UNC5D: variants seen among roughly 807,000 people sequenced by gnomAD.
UNC5D encodes unc-5 netrin receptor D.
A neutral mutation model predicts 105.4 loss-of-function variants in UNC5D; 39 were observed. That is an observed-to-expected ratio of 0.37 (90% CI 0.29 to 0.48). UNC5D has a LOEUF of 0.48. Ranked by LOEUF, UNC5D falls within the 20% of genes least tolerant of loss-of-function variation. The probability of loss-of-function intolerance (pLI) is 0.98; values close to 1 mark genes in which losing one functional copy is unlikely to be tolerated. For missense variants in UNC5D, 991 were observed against 1,202.4 expected (o/e 0.82, Z 2.60); for synonymous variants, 452 against 450.4 (o/e 1.00, Z -0.04).
intron 2 of UNC5D, among the ~76,000 whole-genome samples, chr8:35,550,566 A>G (rs1406658059): frequency 6.6e-6 from 1 of 152,236 alleles, no homozygotes; most frequent in African/African-American, 2.4e-5. Context: ...TATTCTATAT[A>G]ACAAGGTAGG....
intron 1 of UNC5D, among the ~76,000 whole-genome samples, chr8:35,274,464 C>A (rs527977195): frequency 6.6e-6 from 1 of 152,320 alleles, no homozygotes; most frequent in African/African-American, 2.4e-5. Context: ...TGAAGTTCAG[C>A]ACCTCTGGTG....
At position 35,774,614 on chromosome 8, in the gene UNC5D, CTAAG is replaced by C. The variant is rs139231619; in HGVS notation, c.2657+143_2657+146del. ...TGGCCATATTTCCTGTGTGTTCCCA[CTAAG>C]TAAGTGGGGAAAGAGCAAGAAAATA... is the stretch of plus-strand genomic sequence containing the variant. On this transcript the variant is annotated intron_variant, in intron 16 of 16. Transcript: ENST00000404895. 3,003 of 1,177,224 alleles carry C rather than the reference CTAAG, an allele frequency of 2.6e-3. 62 individuals are homozygous for C. The African/African-American group carries it at 0.043, about 17-fold the overall frequency. The allele number at this position is 1,177,224 out of a possible 1,614,324, so 72.9% of individuals were successfully genotyped here.
intron 4 of UNC5D, among the ~76,000 whole-genome samples, chr8:35,667,383 A>C (rs1213355412): frequency 3.3e-5 from 5 of 152,176 alleles, no homozygotes; most frequent in African/African-American, 1.2e-4. Flanking sequence ...ACTGTTAGCT[A>C]GCTGTTGTGG....
chr8:35,572,274 T>TA (rs1491254706), intron 3 of UNC5D, among the ~76,000 whole-genome samples: 32 of 11,370 alleles, frequency 2.8e-3, no homozygotes, highest in Admixed American at 0.024. Context: ...AGCGAGACTG[T>TA]CAAAAAAAAA....
chr8:35,553,409 C>A (rs1816310468), intron 2 of UNC5D, among the ~76,000 whole-genome samples: 1 of 150,244 alleles, frequency 6.7e-6, no homozygotes, highest in Admixed American at 6.6e-5. Context: ...CTGAGCAAAA[C>A]AAAAAATTCA....
intron 4 of UNC5D, among the ~76,000 whole-genome samples, chr8:35,596,211 C>T (rs756384931): frequency 3.3e-5 from 5 of 152,148 alleles, no homozygotes; most frequent in Non-Finnish European, 5.9e-5. Flanking sequence ...TCCTTCACAG[C>T]GAGGTGTCTA....
At chr8:35,622,294 A>T (rs1408270428) in intron 4 of UNC5D, among the ~76,000 whole-genome samples, 1 of 152,262 alleles carries the variant, frequency 6.6e-6, no homozygotes, top group Non-Finnish European at 1.5e-5. Context: ...GTGAGCCACA[A>T]TCGCACCACT....
intron 1 of UNC5D, among the ~76,000 whole-genome samples, chr8:35,252,019 CTT>C (rs1177014089): frequency 1.9e-4 from 22 of 117,264 alleles, no homozygotes; most frequent in African/African-American, 6.5e-4. Flanking sequence ...ACCAATGGTT[CTT>C]TTTTTTTTTT....
Position 35,255,589 on chromosome 8 carries a change from T to C in UNC5D, c.103+19702T>C, listed in dbSNP as rs7818267. On this transcript the variant is annotated intron_variant, in intron 1 of 16. Transcript: ENST00000404895. ...TTTCTACTCCTGGTATGCTACCATA[T>C]ACTAGATTTGTCTCAGCATCAGATC... is the stretch of plus-strand genomic sequence containing the variant. 540 of 152,302 alleles carry C rather than the reference T, an allele frequency of 3.5e-3. 6 individuals carry two copies. The highest frequency in any genetic ancestry group is 0.012 in the African/African-American group (517 of 41,578). The allele number at this position is 152,302 out of a possible 1,614,324, so 9.4% of individuals were successfully genotyped here.
chr8:35,625,488 G>A (rs572453337), intron 4 of UNC5D, among the ~76,000 whole-genome samples: 64 of 152,326 alleles, frequency 4.2e-4, no homozygotes, highest in African/African-American at 1.4e-3. Context: ...CTAAAGCTGG[G>A]AGAGCCGTTG....
intron 14 of UNC5D, among the ~76,000 whole-genome samples, chr8:35,761,195 A>G (rs1202916871): frequency 6.6e-6 from 1 of 152,214 alleles, no homozygotes; most frequent in African/African-American, 2.4e-5. Context: ...ATTGAACTTC[A>G]GAGTATTGTT....
chr8:35,459,776 C>T (rs1808757368), intron 1 of UNC5D, among the ~76,000 whole-genome samples: 1 of 152,070 alleles, frequency 6.6e-6, no homozygotes, highest in African/African-American at 2.4e-5. Context: ...AAACTTGGGC[C>T]CTTTCTGTTT....
Position 35,686,531 on chromosome 8 carries a change from G to A in UNC5D, c.920-14G>A, listed in dbSNP as rs762088585. The A allele has an allele frequency of 6.5e-7, 1 of 1,546,562 alleles. No homozygotes were observed. Among genetic ancestry groups the A allele is most frequent in the East Asian group, 2.4e-5 (1 of 41,158 alleles). On this transcript the variant is annotated splice_polypyrimidine_tract_variant and intron_variant, in intron 6 of 16. Transcript: ENST00000404895. ...ATTCATTCTAACAATGGTTTCTTTT[G>A]TTTCCCTTTGAAGTGGATGGGAGCT...
intron 1 of UNC5D, among the ~76,000 whole-genome samples, chr8:35,454,842 T>A (rs1391614472): frequency 1.3e-5 from 2 of 152,148 alleles, no homozygotes; most frequent in Admixed American, 6.6e-5. Flanking sequence ...AAGGAAAAAA[T>A]TTTCCTATCT....
intron 1 of UNC5D, among the ~76,000 whole-genome samples, chr8:35,265,345 G>A (rs76485814): frequency 0.013 from 1,900 of 151,800 alleles, 44 homozygotes; most frequent in African/African-American, 0.044. Context: ...AGCTTTTTCT[G>A]TAAAAAAAGA....
chr8:35,689,218 A>G (rs1826228955), intron 7 of UNC5D, among the ~76,000 whole-genome samples: 1 of 152,234 alleles, frequency 6.6e-6, no homozygotes, highest in Non-Finnish European at 1.5e-5. Context: ...CTGATTGGAG[A>G]CAGATAATGG....
At chr8:35,371,250 G>A (rs1346561782) in intron 1 of UNC5D, among the ~76,000 whole-genome samples, 1 of 151,948 alleles carries the variant, frequency 6.6e-6, no homozygotes, top group Non-Finnish European at 1.5e-5. Flanking sequence ...TTTTAGATAT[G>A]TTCTGATTTA....
intron 1 of UNC5D, among the ~76,000 whole-genome samples, chr8:35,316,926 A>G (rs1809350134): frequency 6.6e-6 from 1 of 152,180 alleles, no homozygotes; most frequent in Non-Finnish European, 1.5e-5. Context: ...GTAGCAAGCC[A>G]ATATATGAAA....
chr8:35,426,450 A>T (rs1237195440), intron 1 of UNC5D, among the ~76,000 whole-genome samples: 1 of 152,210 alleles, frequency 6.6e-6, no homozygotes, highest in African/African-American at 2.4e-5. Flanking sequence ...GATTTCAAAA[A>T]TAATCATCAT....
Sources: allele counts gnomAD v4.1 joint callset (sites outside exome capture counted in the v4.1 genomes callset), GRCh38; gene constraint gnomAD v4.1.1; transcripts MANE v1.5; gene names NCBI Gene and HGNC (gene_info 2026-07-23, HGNC 2026-07-21).